The following AKR1D1 variants were observed in gnomAD, a reference collection of about 807,000 sequenced individuals.
The protein encoded by AKR1D1 is delta(4)-3-ketosteroid 5-beta-reductase.
AKR1D1 carries 32 observed loss-of-function variants against 42.6 expected under a neutral mutation model. The ratio of observed to expected loss-of-function variants is 0.75; its 90% CI spans 0.57 to 1.01. The LOEUF (loss-of-function observed/expected upper bound fraction) is 1.01. AKR1D1 is among the 50% of genes least tolerant of loss of function. The probability of loss-of-function intolerance (pLI) is 0.00; values close to 1 mark genes in which losing one functional copy is unlikely to be tolerated. For synonymous variants in AKR1D1, 123 were observed against 135.5 expected, an observed-to-expected ratio of 0.91 and a Z score of 0.64; for missense variants, 364 against 402.2, an observed-to-expected ratio of 0.91 and a Z score of 0.81.
chr7:138,105,020 A>G (rs1330677211), intron 4 of AKR1D1, among the ~76,000 whole-genome samples: 1 of 152,096 alleles, frequency 6.6e-6, no homozygotes, highest in Non-Finnish European at 1.5e-5. Flanking sequence ...TGGCCTGCCA[A>G]AGTGCTGGGA....
chr7:138,077,836 T>G (rs193146554), intron 1 of AKR1D1, among the ~76,000 whole-genome samples: 24 of 152,160 alleles, frequency 1.6e-4, no homozygotes, highest in African/African-American at 5.8e-4. Context: ...GGATATATGA[T>G]ATATCCAGTG....
Position 138,116,996 on chromosome 7 carries a change from C to T in AKR1D1, c.*334C>T, listed in dbSNP as rs772294953. On this transcript the variant is annotated 3_prime_UTR_variant, in exon 9 of 9. Transcript: ENST00000242375. Reference sequence around the variant, plus strand: ...AGTAATTTATGAATCTGGGTAGTAGCGTTGGTAATCTGAGTTCTTTAAGGG... The same window carrying T: ...AGTAATTTATGAATCTGGGTAGTAGTGTTGGTAATCTGAGTTCTTTAAGGG... 3.0e-5 allele frequency: 8 copies of T among 264,968 alleles called. No individual in the cohort carries two copies. Among genetic ancestry groups the T allele is most frequent in the Middle Eastern group, 1.3e-3 (1 of 784 alleles). 16.4% of individuals were successfully genotyped at this position (264,968 alleles called of 1,614,324 possible). A position where few individuals can be genotyped will look rare whatever the true frequency, so the allele number is the denominator to read the frequency against.
chr7:138,091,970 C>T (rs1246284836), intron 3 of AKR1D1, 86 bp downstream of exon 3: 1 of 768,818 alleles, frequency 1.3e-6, no homozygotes, highest in African/African-American at 1.7e-5. Context: ...GCACCATGAG[C>T]CAATAGCTAT....
chr7:138,105,405 C>G lies in AKR1D1; in HGVS notation c.555C>G (p.Leu185=), dbSNP rs545816543. The part of the protein sequence containing the change: ...QLELILNKPG[L]KHKPVSNQVE... ...AGCTCATCCTGAACAAGCCAGGACT[C>G]AAACACAAGCCAGTCAGCAACCAGG... is the stretch of plus-strand genomic sequence containing the variant. The change falls in exon 5 of 9, where the codon CTC becomes CTG. Residue 185 remains leucine (L), a synonymous_variant. Coordinates refer to ENST00000242375, the MANE Select transcript of AKR1D1 (RefSeq NM_005989.4). The G allele has an allele frequency of 6.2e-7, 1 of 1,614,056 alleles. No individual in the cohort carries two copies. The highest frequency in any genetic ancestry group is 1.1e-5 in the South Asian group (1 of 91,074).
chr7:138,077,814 T>A (rs1802972162), intron 1 of AKR1D1, among the ~76,000 whole-genome samples: 1 of 152,168 alleles, frequency 6.6e-6, no homozygotes, highest in Non-Finnish European at 1.5e-5. Context: ...GACATTTTAG[T>A]TAGACAGAGA....
chr7:138,077,101 T>C (rs1802954037), intron 1 of AKR1D1, among the ~76,000 whole-genome samples: 2 of 152,202 alleles, frequency 1.3e-5, no homozygotes, highest in African/African-American at 4.8e-5. Flanking sequence ...AATTGTAGAA[T>C]GACCAAGATA....
chr7:138,101,335 G>A (rs1794315684), intron 4 of AKR1D1, among the ~76,000 whole-genome samples: 1 of 152,008 alleles, frequency 6.6e-6, no homozygotes, highest in Non-Finnish European at 1.5e-5. Context: ...GAGTAGCTGG[G>A]ATTAGAGGCT....
chr7:138,090,104 T>C (rs981113863), intron 2 of AKR1D1, among the ~76,000 whole-genome samples: 1 of 152,138 alleles, frequency 6.6e-6, no homozygotes, highest in Admixed American at 6.5e-5. Flanking sequence ...CATCAGCCTA[T>C]GCCCAGGAAT....
At chr7:138,106,066 G>C (rs761447089) in intron 5 of AKR1D1, among the ~76,000 whole-genome samples, 3 of 152,182 alleles carry the variant, frequency 2.0e-5, no homozygotes, top group Non-Finnish European at 2.9e-5. Flanking sequence ...AAATTGAAGT[G>C]TGATTTTTCT....
intron 7 of AKR1D1, among the ~76,000 whole-genome samples, chr7:138,111,029 A>G (rs1449951622): frequency 1.3e-5 from 2 of 152,130 alleles, no homozygotes; most frequent in Non-Finnish European, 2.9e-5. Context: ...CTTATCCGAC[A>G]GCTCTTTGAC....
At chr7:138,094,781 A>T (rs564751772) in intron 3 of AKR1D1, among the ~76,000 whole-genome samples, 1 of 152,270 alleles carries the variant, frequency 6.6e-6, no homozygotes, top group East Asian at 1.9e-4. Flanking sequence ...CAGCCTCCCA[A>T]AGTGCTGGGA....
intron 4 of AKR1D1, among the ~76,000 whole-genome samples, chr7:138,101,569 T>C (rs6467735): frequency 0.89 from 135,081 of 152,200 alleles, 60,313 homozygotes; most frequent in South Asian, 0.96. Flanking sequence ...GCAAGGTATG[T>C]TGTCTGATCA....
intron 3 of AKR1D1, among the ~76,000 whole-genome samples, chr7:138,093,203 G>A (rs1479701393): frequency 6.6e-6 from 1 of 151,530 alleles, no homozygotes; most frequent in Non-Finnish European, 1.5e-5. Flanking sequence ...CAAGTAGCCG[G>A]GACTACAGGC....
intron 3 of AKR1D1, among the ~76,000 whole-genome samples, chr7:138,095,259 T>C (rs1214885884): frequency 2.0e-5 from 3 of 152,028 alleles, no homozygotes; most frequent in Non-Finnish European, 4.4e-5. Flanking sequence ...AAACACAAGG[T>C]AAGAAATATG....
chr7:138,085,544 A>C (rs1803155164), intron 1 of AKR1D1, among the ~76,000 whole-genome samples: 1 of 149,560 alleles, frequency 6.7e-6, no homozygotes, highest in Admixed American at 6.7e-5. Context: ...TCCCAGGTTC[A>C]AGAGATTCCC....
chr7:138,088,658 C>T lies in AKR1D1; in HGVS notation c.151C>T (p.His51Tyr). Reference protein sequence around the residue: ...VKVAIDTGYRHIDGAYIYQNE... With the variant: ...VKVAIDTGYRYIDGAYIYQNE... ...GGTTGCTATTGACACAGGGTACCGA[C>T]ATATTGATGGGGCCTACATCTACCA... Residue 51 changes from histidine (H) to tyrosine (Y), a missense_variant, in exon 2 of 9, where the codon CAT (histidine) becomes TAT (tyrosine). Transcript: ENST00000242375. 1 of 1,614,106 alleles carries T rather than the reference C, an allele frequency of 6.2e-7. No individual in the cohort carries two copies. The highest frequency in any genetic ancestry group is 8.5e-7 in the Non-Finnish European group (1 of 1,180,012).
intron 1 of AKR1D1, among the ~76,000 whole-genome samples, chr7:138,082,564 C>T (rs10280628): frequency 0.77 from 116,968 of 151,844 alleles, 45,570 homozygotes; most frequent in African/African-American, 0.88. Context: ...TTTTATTTTA[C>T]TATTTTATTG....
Position 138,113,697 on chromosome 7 carries a change from A to G in AKR1D1, c.863A>G (p.Asp288Gly), listed in dbSNP as rs1562939793. Residue 288 changes from aspartate (D) to glycine (G), a missense_variant, in exon 8 of 9, where the codon GAC (aspartate) becomes GGC (glycine). Physicochemically the swap from Asp to Gly is moderately conservative, Grantham distance 94. Coordinates refer to ENST00000242375, the MANE Select transcript of AKR1D1 (RefSeq NM_005989.4). ...ERIKENFQIF[D>G]FSLTEEEMKD... is the part of the protein sequence containing the mutation. ...TTATTTCCGTTATTTCAGATCTTTG[A>G]CTTTTCTCTCACTGAAGAAGAAATG... 6.2e-7 allele frequency: 1 copy of G among 1,613,924 alleles called. No individual in the cohort carries two copies. The highest frequency in any genetic ancestry group is 1.7e-5 in the Admixed American group (1 of 60,020).
intron 2 of AKR1D1, among the ~76,000 whole-genome samples, chr7:138,090,951 C>T (rs1458694918): frequency 1.3e-5 from 2 of 152,206 alleles, no homozygotes; most frequent in Admixed American, 6.5e-5. Flanking sequence ...TTTCACCAGG[C>T]TTTCACACCA....
Sources: gnomAD v4.1 joint callset for allele counts (sites outside exome capture counted in the v4.1 genomes callset) on GRCh38, gnomAD v4.1.1 for gene constraint, MANE v1.5 for transcripts, NCBI Gene and HGNC (gene_info 2026-07-23, HGNC 2026-07-21) for gene names.